The following DPYD variants were observed in gnomAD, a reference collection of about 807,000 sequenced individuals.
DPYD encodes dihydropyrimidine dehydrogenase [NADP(+)].
Under a neutral mutation model 116.2 loss-of-function variants are expected in DPYD, and 109 were observed. The observed-to-expected ratio is 0.94, with a 90% CI of 0.80 to 1.10. DPYD has a LOEUF of 1.10. Among genes scored for constraint, DPYD ranks in the 50% least tolerant of loss-of-function variants. The pLI is 0.00. For missense variants in DPYD, 1,302 were observed against 1,254.5 expected (o/e 1.04, Z -0.57); for synonymous variants, 440 against 432.0 (o/e 1.02, Z -0.23).
rs72734024 is a variant in DPYD at position 97,750,517 on chromosome 1, C to T, written c.234-10038G>A. On this transcript the variant is annotated intron_variant, in intron 3 of 22. Transcript: ENST00000370192. ...TTTTGCAATAAGTAAGTATAACTTA[C>T]GTTATTAAAAACAAGACATAGATGT... 3.4e-3 allele frequency among the ~76,000 whole-genome samples: 518 copies of T among 152,164 alleles called. 5 individuals carry two copies. The highest frequency in any genetic ancestry group is 0.012 in the African/African-American group (487 of 41,538).
rs150119913 is a variant in DPYD, at chr1:97,212,781, C to T, written c.2443-19533G>A. 7.9e-3 allele frequency among the ~76,000 whole-genome samples: 1,210 copies of T among 152,210 alleles called. 15 individuals are homozygous for T. The highest frequency in any genetic ancestry group is 0.028 in the African/African-American group (1,166 of 41,530). On this transcript the variant is annotated intron_variant, in intron 19 of 22. Coordinates refer to ENST00000370192, the MANE Select transcript of DPYD (RefSeq NM_000110.4). ...CCATTTTAGTGGGCAGAAATGTCAA[C>T]ATAGTGTACCGGTTAAAATAACAGA...
chr1:97,901,670 T>G (rs184395930), intron 1 of DPYD, among the ~76,000 whole-genome samples: 12 of 151,908 alleles, frequency 7.9e-5, no homozygotes, highest in Non-Finnish European at 1.3e-4. Flanking sequence ...ACTGTTTGGC[T>G]CATCACTTGA....
intron 18 of DPYD, among the ~76,000 whole-genome samples, chr1:97,277,791 G>A (rs747783143): frequency 4.0e-4 from 61 of 152,074 alleles, no homozygotes; most frequent in Non-Finnish European, 7.6e-4. Context: ...AACAGCCATG[G>A]TGCCCATTTA....
At chr1:97,757,101 T>C (rs1665293659) in intron 3 of DPYD, among the ~76,000 whole-genome samples, 1 of 152,188 alleles carries the variant, frequency 6.6e-6, no homozygotes, top group Admixed American at 6.5e-5. Context: ...AAGAGGACAT[T>C]CATTCATTCA....
intron 3 of DPYD, among the ~76,000 whole-genome samples, chr1:97,741,744 G>A (rs1664281745): frequency 6.6e-6 from 1 of 152,126 alleles, no homozygotes; most frequent in African/African-American, 2.4e-5. Context: ...CAGTTTGAAT[G>A]AAGTACAGAC....
chr1:97,561,480 A>T (rs1302099554), intron 11 of DPYD, among the ~76,000 whole-genome samples: 1 of 152,206 alleles, frequency 6.6e-6, no homozygotes, highest in Non-Finnish European at 1.5e-5. Flanking sequence ...TAAAATATAA[A>T]TAAAGTACCC....
rs114462412 is a variant in DPYD, at chr1:97,910,344, G to A, written c.39+10540C>T. 5.6e-3 allele frequency among the ~76,000 whole-genome samples: 851 copies of A among 152,136 alleles called. 7 individuals carry two copies. Among genetic ancestry groups the A allele is most frequent in the African/African-American group, 0.018 (761 of 41,538 alleles). ...ATTTAAAAAAAGAGAGTAAATTCCTGTGTTTTAAAGAAGACTAAAATAACA... is the reference window on the plus strand; with the variant it reads ...ATTTAAAAAAAGAGAGTAAATTCCTATGTTTTAAAGAAGACTAAAATAACA... On this transcript the variant is annotated intron_variant, in intron 1 of 22. Transcript: ENST00000370192.
intron 18 of DPYD, among the ~76,000 whole-genome samples, chr1:97,276,667 ACT>A (rs1390345194): frequency 1.5e-5 from 2 of 137,752 alleles, no homozygotes; most frequent in South Asian, 2.4e-4. Flanking sequence ...ACACAGCAAG[ACT>A]CTGTCTCAAA....
intron 3 of DPYD, among the ~76,000 whole-genome samples, chr1:97,788,661 C>A (rs1329472742): frequency 1.3e-5 from 2 of 152,150 alleles, no homozygotes; most frequent in African/African-American, 4.8e-5. Flanking sequence ...AAAAAGTGAT[C>A]AAGGAGTACA....
chr1:97,741,927 G>T (rs140753978), intron 3 of DPYD, among the ~76,000 whole-genome samples: 3 of 152,208 alleles, frequency 2.0e-5, no homozygotes, highest in African/African-American at 7.2e-5. Context: ...CATTAGGAAA[G>T]CAAATGACAG....
intron 14 of DPYD, among the ~76,000 whole-genome samples, chr1:97,437,704 T>TTATA (rs1388777190): frequency 2.6e-5 from 4 of 152,014 alleles, no homozygotes; most frequent in Non-Finnish European, 4.4e-5. Context: ...TCATATTTCT[T>TTATA]TATAAACGAG....
At chr1:97,744,026 A>G (rs1182447526) in intron 3 of DPYD, among the ~76,000 whole-genome samples, 2 of 152,092 alleles carry the variant, frequency 1.3e-5, no homozygotes, top group Admixed American at 6.6e-5. Context: ...TTAAATTTTC[A>G]TATTTAATAC....
chr1:97,189,506 C>A (rs566292492), intron 20 of DPYD, among the ~76,000 whole-genome samples: 1 of 152,134 alleles, frequency 6.6e-6, no homozygotes, highest in Non-Finnish European at 1.5e-5. Flanking sequence ...GTTCAAATAT[C>A]GGACTGTCCA....
chr1:97,460,454 C>T (rs1252834934), intron 13 of DPYD, among the ~76,000 whole-genome samples: 1 of 151,962 alleles, frequency 6.6e-6, no homozygotes, highest in East Asian at 1.9e-4. Context: ...TATCTGAAAC[C>T]CTTGGCACAA....
In DPYD at chr1:97,103,904, C is replaced by T. The variant is rs140415610; in HGVS notation, c.2623-5272G>A. On this transcript the variant is annotated intron_variant, in intron 20 of 22. Coordinates refer to ENST00000370192, the MANE Select transcript of DPYD (RefSeq NM_000110.4). ...TGCTTCTATTGCATTGTGTACTGTG[C>T]TCTGTGTTTCCATGTTTGCTCATGC... Among the ~76,000 whole-genome samples the T allele has an allele frequency of 3.8e-3, 582 of 152,166 alleles. 4 individuals are homozygous for T. Among genetic ancestry groups the T allele is most frequent in the Non-Finnish European group, 6.4e-3 (434 of 67,990 alleles).
chr1:97,432,346 C>T (rs1325992799), intron 14 of DPYD, among the ~76,000 whole-genome samples: 1 of 152,134 alleles, frequency 6.6e-6, no homozygotes, highest in Non-Finnish European at 1.5e-5. Flanking sequence ...CTGATTCCTT[C>T]CTCCATCTTG....
At chr1:97,537,010 G>A (rs1156628102) in intron 12 of DPYD, among the ~76,000 whole-genome samples, 4 of 152,178 alleles carry the variant, frequency 2.6e-5, no homozygotes, top group Non-Finnish European at 4.4e-5. Flanking sequence ...ATATTTCAGG[G>A]CAAAAGAATG....
intron 3 of DPYD, among the ~76,000 whole-genome samples, chr1:97,790,403 G>A (rs1667256397): frequency 6.6e-6 from 1 of 152,028 alleles, no homozygotes; most frequent in African/African-American, 2.4e-5. Flanking sequence ...ATGATACAAA[G>A]CCCAGAAGGA....
At chr1:97,509,414 A>G (rs1344250723) in intron 13 of DPYD, among the ~76,000 whole-genome samples, 3 of 151,874 alleles carry the variant, frequency 2.0e-5, no homozygotes, top group African/African-American at 7.2e-5. Flanking sequence ...TTGTTATTGG[A>G]GGGTTGGAAA....
Sources: gnomAD v4.1 joint callset for allele counts (sites outside exome capture counted in the v4.1 genomes callset) on GRCh38, gnomAD v4.1.1 for gene constraint, MANE v1.5 for transcripts, NCBI Gene and HGNC (gene_info 2026-07-23, HGNC 2026-07-21) for gene names.